Variants in SLC16A7 observed in about 807,000 individuals in gnomAD.
The protein encoded by SLC16A7 is monocarboxylate transporter 2.
A neutral mutation model predicts 34.9 loss-of-function variants in SLC16A7; 33 were observed. The observed-to-expected ratio is 0.94, with a 90% confidence interval of 0.72 to 1.26. The LOEUF (loss-of-function observed/expected upper bound fraction) is 1.26, where lower values mean the gene tolerates loss of function less well. SLC16A7 is among the 50% of genes most tolerant of loss of function. The pLI, the probability that SLC16A7 is intolerant of heterozygous loss-of-function variation, is 0.00. For synonymous variants in SLC16A7, 201 were observed against 206.6 expected, an observed-to-expected ratio of 0.97 and a Z score of 0.23; for missense variants, 573 against 578.1, an observed-to-expected ratio of 0.99 and a Z score of 0.09.
At chr12:59,671,832 T>TTCTCAGGTGTTGATGAGCAAC (rs1869749238) in intron 2 of SLC16A7, among the ~76,000 whole-genome samples, 1 of 136,008 alleles carries the variant, frequency 7.4e-6, no homozygotes, top group Non-Finnish European at 1.6e-5. Flanking sequence ...TATATGTATA[T>TTCTCAGGTGTTGATGAGCAAC]ATGTATATAT....
chr12:59,774,607 G>C (rs1882548324), intron 4 of SLC16A7, 50 bp from the exon 5 acceptor site: 1 of 1,155,306 alleles, frequency 8.7e-7, no homozygotes, highest in Admixed American at 2.4e-5. Flanking sequence ...TCTTTTGTGA[G>C]TGCCATAATG....
At chr12:59,705,436 T>C (rs1873453347) in intron 3 of SLC16A7, among the ~76,000 whole-genome samples, 1 of 152,124 alleles carries the variant, frequency 6.6e-6, no homozygotes, top group Non-Finnish European at 1.5e-5. Context: ...AGAAAGTACA[T>C]CACTTTAAGC....
Position 59,779,925 on chromosome 12 carries a change from T to G in SLC16A7, c.*246T>G. 2.9e-6 allele frequency: 1 copy of G among 346,736 alleles called. No homozygotes were observed. Among genetic ancestry groups the G allele is most frequent in the Non-Finnish European group, 5.3e-6 (1 of 189,794 alleles). The allele number at this position is 346,736 out of a possible 1,614,324, so 21.5% of individuals were successfully genotyped here. The stretch of plus-strand genomic sequence containing the variant: ...ATAGGTTTATTTCCATACCTGACTC[T>G]GGGTGTGGTGGTTAAAATACTAATT... On this transcript the variant is annotated 3_prime_UTR_variant, in exon 6 of 6. Coordinates refer to ENST00000547379, the MANE Select transcript of SLC16A7 (RefSeq NM_001270623.2).
At chr12:59,687,115 G>T (rs1871222717) in intron 2 of SLC16A7, among the ~76,000 whole-genome samples, 1 of 151,638 alleles carries the variant, frequency 6.6e-6, no homozygotes, top group Non-Finnish European at 1.5e-5. Flanking sequence ...AAATGCTAAA[G>T]TCATACTCTT....
At position 59,671,865 on chromosome 12, in the gene SLC16A7, A is replaced by G. The variant is rs1869765649; in HGVS notation, c.-31+16615A>G. Among the ~76,000 whole-genome samples, 3 of 134,424 alleles carry G rather than the reference A, an allele frequency of 2.2e-5. 1 individual carries two copies. In the Admixed American group the frequency reaches 2.4e-4, roughly 11 times the overall value. 88.2% of individuals were successfully genotyped at this position (134,424 alleles called of 152,430 possible). On this transcript the variant is annotated intron_variant, in intron 2 of 5. Coordinates refer to ENST00000547379, the MANE Select transcript of SLC16A7 (RefSeq NM_001270623.2). Reference sequence around the variant, plus strand: ...TATGTGTATATATATGTGTATATGTATATATGTGTATATATGTATATATGT... The same window carrying G: ...TATGTGTATATATATGTGTATATGTGTATATGTGTATATATGTATATATGT...
chr12:59,601,192 A>G (rs993810847), intron 1 of SLC16A7, among the ~76,000 whole-genome samples: 1 of 152,214 alleles, frequency 6.6e-6, no homozygotes, highest in Non-Finnish European at 1.5e-5. Flanking sequence ...TCTCCACCTC[A>G]TAATACAATA....
chr12:59,646,084 C>G (rs553186556), intron 1 of SLC16A7, among the ~76,000 whole-genome samples: 1 of 152,138 alleles, frequency 6.6e-6, no homozygotes, highest in Middle Eastern at 3.4e-3. Context: ...CCTAACAATA[C>G]GATAGAAAAG....
At chr12:59,747,926 C>T (rs79354343) in intron 3 of SLC16A7, among the ~76,000 whole-genome samples, 2,142 of 152,214 alleles carry the variant, frequency 0.014, 24 homozygotes, top group Middle Eastern at 0.065. Flanking sequence ...TCATAGGCCA[C>T]GCGCTGTGGC....
chr12:59,612,476 C>T (rs755080099), intron 1 of SLC16A7, among the ~76,000 whole-genome samples: 6 of 152,148 alleles, frequency 3.9e-5, no homozygotes, highest in East Asian at 1.9e-4. Flanking sequence ...GGAGGGGCAG[C>T]GATGAAAGTC....
At chr12:59,657,605 A>G (rs186640508) in intron 2 of SLC16A7, among the ~76,000 whole-genome samples, 90 of 152,098 alleles carry the variant, frequency 5.9e-4, no homozygotes, top group Non-Finnish European at 9.6e-4. Flanking sequence ...TCAGTGCCCC[A>G]TTCTCTGTGT....
Position 59,778,751 on chromosome 12 carries a change from C to T in SLC16A7, c.1181-672C>T, listed in dbSNP as rs17650140. Among the ~76,000 whole-genome samples the T allele has an allele frequency of 2.0e-5, 3 of 151,930 alleles. No individual in the cohort carries two copies. The East Asian group carries it at 5.8e-4, about 29-fold the overall frequency. ...AGGATTAGCTCAAATAGTGACATGG[C>T]ACTTAAACAACAGGTTAGGTGAAGC... On this transcript the variant is annotated intron_variant, in intron 5 of 5. Coordinates refer to ENST00000547379, the MANE Select transcript of SLC16A7 (RefSeq NM_001270623.2).
chr12:59,609,301 A>G (rs888084142), intron 1 of SLC16A7, among the ~76,000 whole-genome samples: 1 of 152,218 alleles, frequency 6.6e-6, no homozygotes, highest in Non-Finnish European at 1.5e-5. Flanking sequence ...AAGAACCGAT[A>G]ATGGTTGTTG....
intron 3 of SLC16A7, among the ~76,000 whole-genome samples, chr12:59,746,097 G>A (rs997637924): frequency 6.6e-6 from 1 of 152,182 alleles, no homozygotes; most frequent in Non-Finnish European, 1.5e-5. Context: ...ATCACTCTTG[G>A]TTACTTCTTT....
intron 2 of SLC16A7, among the ~76,000 whole-genome samples, chr12:59,670,543 A>C (rs1215691345): frequency 6.6e-6 from 1 of 152,156 alleles, no homozygotes; most frequent in South Asian, 2.1e-4. Context: ...ATTATGGGTG[A>C]GATTTGGGGT....
chr12:59,619,803 T>TAATGA (rs1433571152), intron 1 of SLC16A7, among the ~76,000 whole-genome samples: 1 of 152,042 alleles, frequency 6.6e-6, no homozygotes, highest in Non-Finnish European at 1.5e-5. Flanking sequence ...GCAATTATAA[T>TAATGA]AATGATTTAC....
chr12:59,654,683 A>G (rs1480190361), intron 1 of SLC16A7, among the ~76,000 whole-genome samples: 1 of 145,878 alleles, frequency 6.9e-6, no homozygotes, highest in Non-Finnish European at 1.5e-5. Flanking sequence ...AAACACACAC[A>G]TAGGCATGCA....
chr12:59,752,911 C>T (rs1463390309), intron 3 of SLC16A7, among the ~76,000 whole-genome samples: 1 of 152,162 alleles, frequency 6.6e-6, no homozygotes, highest in Non-Finnish European at 1.5e-5. Flanking sequence ...GATCTCTCGG[C>T]AGAAACTCTA....
chr12:59,672,492 A>G (rs1396236933), intron 2 of SLC16A7, among the ~76,000 whole-genome samples: 1 of 151,866 alleles, frequency 6.6e-6, no homozygotes, highest in Non-Finnish European at 1.5e-5. Flanking sequence ...CTTCTGCTTC[A>G]TTGACTACTT....
chr12:59,638,647 G>T (rs1167925191), intron 1 of SLC16A7, among the ~76,000 whole-genome samples: 1 of 152,076 alleles, frequency 6.6e-6, no homozygotes, highest in African/African-American at 2.4e-5. Flanking sequence ...TCTAGGAAAA[G>T]GTTTGTGTAA....
Sources: gnomAD v4.1 joint callset for allele counts (sites outside exome capture counted in the v4.1 genomes callset) on GRCh38, gnomAD v4.1.1 for gene constraint, MANE v1.5 for transcripts, NCBI Gene and HGNC (gene_info 2026-07-23, HGNC 2026-07-21) for gene names.